ARIH1: variants seen among roughly 807,000 people sequenced by gnomAD.
The protein encoded by ARIH1 is E3 ubiquitin-protein ligase ARIH1.
A neutral mutation model predicts 85.0 loss-of-function variants in ARIH1; 8 were observed. The ratio of observed to expected loss-of-function variants is 0.09; its 90% CI spans 0.06 to 0.17. ARIH1 has a LOEUF of 0.17. ARIH1 is among the 10% of genes least tolerant of loss of function. The pLI is 1.00. For missense variants in ARIH1, 311 were observed against 718.1 expected, an observed-to-expected ratio of 0.43 and a Z score of 6.48; for synonymous variants, 238 against 253.6, an observed-to-expected ratio of 0.94 and a Z score of 0.59.
intron 1 of ARIH1, among the ~76,000 whole-genome samples, chr15:72,480,333 C>T (rs1457847973): frequency 6.6e-6 from 1 of 150,992 alleles, no homozygotes; most frequent in African/African-American, 2.4e-5. Flanking sequence ...CTGATCTTGG[C>T]TCACTGCAAC....
At chr15:72,501,057 C>T (rs2063901445) in intron 1 of ARIH1, among the ~76,000 whole-genome samples, 1 of 152,054 alleles carries the variant, frequency 6.6e-6, no homozygotes, top group Admixed American at 6.6e-5. Context: ...ACTATGTATT[C>T]CTTTGTCATG....
chr15:72,515,043 A>G (rs950160798), intron 1 of ARIH1, among the ~76,000 whole-genome samples: 5 of 152,114 alleles, frequency 3.3e-5, no homozygotes, highest in African/African-American at 1.2e-4. Flanking sequence ...TTCTTTTTTT[A>G]CCTAATGGAT....
At position 72,505,383 on chromosome 15, in the gene ARIH1, G is replaced by T. The variant is rs553083173; in HGVS notation, c.376-12684G>T. 5.6e-4 allele frequency among the ~76,000 whole-genome samples: 85 copies of T among 151,904 alleles called. 1 individual carries two copies. The South Asian group carries it at 0.018, about 32-fold the overall frequency. On this transcript the variant is annotated intron_variant, in intron 1 of 13. Coordinates refer to ENST00000379887, the MANE Select transcript of ARIH1 (RefSeq NM_005744.5). Reference sequence around the variant, plus strand: ...AAAATGGAATATTGTGCACTACTCAGTAGCTTGTTTTTTTTCGCTCAGTGG... The same window carrying T: ...AAAATGGAATATTGTGCACTACTCATTAGCTTGTTTTTTTTCGCTCAGTGG...
intron 5 of ARIH1, among the ~76,000 whole-genome samples, chr15:72,557,353 T>C (rs182481303): frequency 3.3e-5 from 5 of 152,278 alleles, no homozygotes; most frequent in Admixed American, 2.6e-4. Context: ...AACAAAAGAA[T>C]GGCTACTTCG....
At chr15:72,499,899 C>T (rs193058215) in intron 1 of ARIH1, among the ~76,000 whole-genome samples, 67 of 152,288 alleles carry the variant, frequency 4.4e-4, no homozygotes, top group Admixed American at 2.0e-3. Flanking sequence ...CTTAATTTAA[C>T]TCTCACAACA....
intron 10 of ARIH1, among the ~76,000 whole-genome samples, chr15:72,571,008 A>G (rs2064242164): frequency 6.6e-6 from 1 of 151,980 alleles, no homozygotes; most frequent in African/African-American, 2.4e-5. Context: ...GCATGCCTGT[A>G]ATCCCAGCTA....
At chr15:72,507,619 A>G (rs968808789) in intron 1 of ARIH1, among the ~76,000 whole-genome samples, 4 of 152,140 alleles carry the variant, frequency 2.6e-5, no homozygotes, top group Non-Finnish European at 5.9e-5. Context: ...GGATTGCATG[A>G]GCCCAGGAAT....
Position 72,540,320 on chromosome 15 carries a change from A to T in ARIH1, c.444-4500A>T, listed in dbSNP as rs896729665. 7.7e-4 allele frequency among the ~76,000 whole-genome samples: 117 copies of T among 151,952 alleles called. 2 individuals carry two copies. The highest frequency in any genetic ancestry group is 2.7e-3 in the African/African-American group (114 of 41,504). Reference sequence around the variant, plus strand: ...TTATATAAAACTGTAATCAACTGGGAAGAGCTTTAGGAAGTTCTGACCAAA... The same window carrying T: ...TTATATAAAACTGTAATCAACTGGGTAGAGCTTTAGGAAGTTCTGACCAAA... On this transcript the variant is annotated intron_variant, in intron 2 of 13. Coordinates refer to ENST00000379887, the MANE Select transcript of ARIH1 (RefSeq NM_005744.5).
chr15:72,515,314 C>G (rs1328154488), intron 1 of ARIH1, among the ~76,000 whole-genome samples: 1 of 151,958 alleles, frequency 6.6e-6, no homozygotes, highest in Non-Finnish European at 1.5e-5. Context: ...CCAGCCTGGT[C>G]AGCAAGAGTG....
chr15:72,589,318 G>A lies in ARIH1; in HGVS notation c.*6026G>A, dbSNP rs1183546462. 2 of 152,094 alleles carry A rather than the reference G, an allele frequency of 1.3e-5. No homozygotes were observed. The highest frequency in any genetic ancestry group is 1.3e-4 in the Admixed American group (2 of 15,268). 9.4% of individuals were successfully genotyped at this position (152,094 alleles called of 1,614,324 possible). Reference sequence around the variant, plus strand: ...TGTCTGTTACATAGGAATATTGTGAGGATCAAAGAACATGTGAAAACAAAA... The same window carrying A: ...TGTCTGTTACATAGGAATATTGTGAAGATCAAAGAACATGTGAAAACAAAA... On this transcript the variant is annotated 3_prime_UTR_variant, in exon 14 of 14. Coordinates refer to ENST00000379887, the MANE Select transcript of ARIH1 (RefSeq NM_005744.5).
intron 12 of ARIH1, 122 bp downstream of exon 12, chr15:72,581,113 G>A (rs2064293494): frequency 2.0e-6 from 2 of 1,025,118 alleles, no homozygotes; most frequent in East Asian, 2.5e-5. Flanking sequence ...GTAGACGAAT[G>A]TATTTATTAC....
At chr15:72,567,292 A>G (rs1289031663) in intron 9 of ARIH1, 115 bp downstream of exon 9, 3 of 732,628 alleles carry the variant, frequency 4.1e-6, no homozygotes, top group Non-Finnish European at 6.5e-6. Flanking sequence ...CTTTTTCTCC[A>G]TTGAGTCTTT....
rs1426538235 is a variant in ARIH1, at chr15:72,493,952, AC to A, written c.375+18939del. 1.4e-4 allele frequency among the ~76,000 whole-genome samples: 22 copies of A among 152,306 alleles called. 1 individual carries two copies. In the South Asian group the frequency reaches 2.5e-3, roughly 17 times the overall value. On this transcript the variant is annotated intron_variant, in intron 1 of 13. Coordinates refer to ENST00000379887, the MANE Select transcript of ARIH1 (RefSeq NM_005744.5). ...AAAAAGCACAAAAGATTTAAAAAAA[AC>A]ATATATATCTGCCTTTATACCTCAA...
chr15:72,565,337 G>T (rs942185659), intron 7 of ARIH1, among the ~76,000 whole-genome samples: 1 of 152,074 alleles, frequency 6.6e-6, no homozygotes. Context: ...TAATCCACCT[G>T]CCTCGGCCCT....
In ARIH1 at chr15:72,596,768, A is replaced by G. The variant is rs1360166006; in HGVS notation, c.*13476A>G. ...TAAAAATTTTTATTTTTAGTTATTTATGGATACATAGTTGTACTGAATTAT... is the reference window on the plus strand; with the variant it reads ...TAAAAATTTTTATTTTTAGTTATTTGTGGATACATAGTTGTACTGAATTAT... On this transcript the variant is annotated 3_prime_UTR_variant, in exon 14 of 14. Transcript: ENST00000379887. The G allele has an allele frequency of 6.6e-6, 1 of 152,104 alleles. No individual in the cohort carries two copies. Among genetic ancestry groups the G allele is most frequent in the Non-Finnish European group, 1.5e-5 (1 of 68,000 alleles). 9.4% of individuals were successfully genotyped at this position (152,104 alleles called of 1,614,324 possible).
At chr15:72,565,591 ATTG>A (rs778467111) in intron 7 of ARIH1, among the ~76,000 whole-genome samples, 9 of 152,212 alleles carry the variant, frequency 5.9e-5, no homozygotes, top group Non-Finnish European at 1.2e-4. Context: ...TTAATTATGT[ATTG>A]TTATTTTAGA....
In ARIH1 at chr15:72,582,149, T is replaced by G; in HGVS notation, c.1551T>G (p.Ser517=). 3 of 1,613,470 alleles carry G rather than the reference T, an allele frequency of 1.9e-6. No homozygotes were observed. Among genetic ancestry groups the G allele is most frequent in the Non-Finnish European group, 1.7e-6 (2 of 1,179,564 alleles). Residue 517 remains serine (S), a synonymous_variant, in exon 13 of 14, where the codon TCT becomes TCG. Transcript: ENST00000379887. The surrounding 1 kb of genome is among the most constrained non-coding windows in gnomAD (Gnocchi z 4.6). ...GYLERDISQD[S]LQDIKQKVQD... Reference sequence around the variant, plus strand: ...TTGAACGAGATATTTCCCAAGATTCTCTGCAGGATATAAAGCAGAAAGTAC... The same window carrying G: ...TTGAACGAGATATTTCCCAAGATTCGCTGCAGGATATAAAGCAGAAAGTAC...
intron 11 of ARIH1, 72 bp downstream of exon 11, chr15:72,572,237 A>AT (rs5813687): frequency 3.7e-3 from 2,554 of 684,196 alleles, no homozygotes; most frequent in South Asian, 5.3e-3. Flanking sequence ...TTAGAGAATA[A>AT]TTTTTTTTTT....
At chr15:72,545,065 G>A in intron 3 of ARIH1, 101 bp downstream of exon 3, 2 of 1,117,148 alleles carry the variant, frequency 1.8e-6, no homozygotes, top group Non-Finnish European at 2.4e-6. Flanking sequence ...TCTGGGAGTA[G>A]TAACCTCTAA....
Sources: gnomAD v4.1 joint callset for allele counts (sites outside exome capture counted in the v4.1 genomes callset) on GRCh38, gnomAD v4.1.1 for gene constraint, Gnocchi (gnomAD v3.1) non-coding constraint, MANE v1.5 for transcripts, NCBI Gene and HGNC (gene_info 2026-07-23, HGNC 2026-07-21) for gene names.